The following WASF1 variants were observed in gnomAD, a reference collection of about 807,000 sequenced individuals.
WASF1 encodes actin-binding protein WASF1.
A neutral mutation model predicts 50.5 loss-of-function variants in WASF1; 7 were observed. The observed-to-expected ratio is 0.14, with a 90% CI of 0.08 to 0.26. The LOEUF (loss-of-function observed/expected upper bound fraction) is 0.26. WASF1 is among the 10% of genes least tolerant of loss of function. The pLI is 1.00. For missense variants in WASF1, 470 were observed against 694.7 expected (o/e 0.68, Z 3.64); for synonymous variants, 205 against 244.0 (o/e 0.84, Z 1.49).
intron 6 of WASF1, among the ~76,000 whole-genome samples, chr6:110,107,888 C>T (rs1773390010): frequency 1.3e-5 from 2 of 152,016 alleles, no homozygotes; most frequent in South Asian, 2.1e-4. Flanking sequence ...CGAAACAGGC[C>T]GGGCGCAGTG....
rs1049230332 is a variant in WASF1 at position 110,100,512 on chromosome 6, T to C, written c.*10A>G. The stretch of plus-strand genomic sequence containing the variant: ...CATTCAGTTTTGTAATATTTATCAA[T>C]GCATTTTTCTTACTCCAACCAATCT... On this transcript the variant is annotated 3_prime_UTR_variant, in exon 11 of 11. Coordinates refer to ENST00000392589, the MANE Select transcript of WASF1 (RefSeq NM_003931.3). 2 of 1,604,330 alleles carry C rather than the reference T, an allele frequency of 1.2e-6. No individual in the cohort carries two copies. Among genetic ancestry groups the C allele is most frequent in the East Asian group, 2.3e-5 (1 of 44,438 alleles).
rs1195590873 is a variant in WASF1 at position 110,124,226 on chromosome 6, C to CTCTCTCT, written c.133+3242_133+3243insAGAGAGA. On this transcript the variant is annotated intron_variant, in intron 4 of 10. Transcript: ENST00000392589. ...CTCTCTCTCTCTCTCTCCTCTCTCT[C>CTCTCTCT]CTCTCTCTCCTCTCTCTCTCTCTCT... 4.5e-4 allele frequency among the ~76,000 whole-genome samples: 27 copies of CTCTCTCT among 60,620 alleles called. 3 individuals are homozygous for CTCTCTCT. The East Asian group carries it at 9.7e-3, about 22-fold the overall frequency. 39.8% of individuals were successfully genotyped at this position (60,620 alleles called of 152,430 possible). A position where few individuals can be genotyped will look rare whatever the true frequency, so the allele number is the denominator to read the frequency against.
chr6:110,107,049 A>T (rs1234109923), intron 7 of WASF1, 28 bp downstream of exon 7: 4 of 1,492,688 alleles, frequency 2.7e-6, no homozygotes, highest in Non-Finnish European at 3.7e-6. Flanking sequence ...ACAAAAATTA[A>T]CCTCAATTTT....
intron 3 of WASF1, among the ~76,000 whole-genome samples, chr6:110,132,004 T>G (rs1459210417): frequency 2.6e-5 from 4 of 152,192 alleles, no homozygotes; most frequent in Non-Finnish European, 5.9e-5. Flanking sequence ...AGTACTGATA[T>G]TTATACATTT....
intron 3 of WASF1, among the ~76,000 whole-genome samples, chr6:110,139,441 C>T (rs190189788): frequency 5.3e-4 from 81 of 152,354 alleles, no homozygotes; most frequent in African/African-American, 1.7e-3. Flanking sequence ...CTGCTACATA[C>T]GGGCTGCTGC....
intron 3 of WASF1, among the ~76,000 whole-genome samples, chr6:110,148,438 T>C (rs777714345): frequency 1.2e-4 from 18 of 151,998 alleles, no homozygotes; most frequent in South Asian, 2.1e-4. Context: ...AAGGAAGTAA[T>C]ATTTAAATTA....
intron 8 of WASF1, among the ~76,000 whole-genome samples, chr6:110,104,358 C>A (rs1013259900): frequency 3.9e-5 from 6 of 152,090 alleles, no homozygotes; most frequent in Non-Finnish European, 8.8e-5. Flanking sequence ...AATGTCAATT[C>A]TTTCAGTAAT....
At chr6:110,105,082 A>T (rs1773260435) in intron 8 of WASF1, among the ~76,000 whole-genome samples, 1 of 152,158 alleles carries the variant, frequency 6.6e-6, no homozygotes, top group South Asian at 2.1e-4. Context: ...AAAACCCCAG[A>T]CCCTAAACTT....
chr6:110,107,613 C>G (rs946296651), intron 6 of WASF1, among the ~76,000 whole-genome samples: 1 of 152,118 alleles, frequency 6.6e-6, no homozygotes, highest in African/African-American at 2.4e-5. Flanking sequence ...CTTACTAAAT[C>G]CAAAAGATAT....
intron 3 of WASF1, among the ~76,000 whole-genome samples, chr6:110,136,605 T>C (rs1392777088): frequency 6.6e-6 from 1 of 152,240 alleles, no homozygotes; most frequent in Non-Finnish European, 1.5e-5. Context: ...TCTAATAATA[T>C]GGTTTTTGCT....
At position 110,101,551 on chromosome 6, in the gene WASF1, A is replaced by C. The variant is rs754103078; in HGVS notation, c.1522+37T>G. ...AAATATTTAGAAAGTTTCCAATGCTACTATAGCAATGCTTTTCATGGAGCT... is the reference window on the plus strand; with the variant it reads ...AAATATTTAGAAAGTTTCCAATGCTCCTATAGCAATGCTTTTCATGGAGCT... On this transcript the variant is annotated intron_variant, in intron 10 of 10. Transcript: ENST00000392589. 2.6e-6 allele frequency: 4 copies of C among 1,566,824 alleles called. No homozygotes were observed. In the South Asian group the frequency reaches 4.8e-5, roughly 19 times the overall value.
At chr6:110,103,611 G>T in intron 8 of WASF1, 54 bp from the exon 9 acceptor site, 2 of 1,440,428 alleles carry the variant, frequency 1.4e-6, no homozygotes, top group Non-Finnish European at 1.9e-6. Context: ...GGGAGGAAAG[G>T]GTTCTACATG....
chr6:110,135,615 C>T (rs1377227165), intron 3 of WASF1, among the ~76,000 whole-genome samples: 1 of 151,410 alleles, frequency 6.6e-6, no homozygotes, highest in African/African-American at 2.4e-5. Flanking sequence ...TGATCTTATT[C>T]TCCTGAATCT....
intron 3 of WASF1, among the ~76,000 whole-genome samples, chr6:110,149,002 AAT>A (rs1410630030): frequency 6.6e-6 from 1 of 152,222 alleles, no homozygotes; most frequent in East Asian, 1.9e-4. Flanking sequence ...CAATTATATC[AAT>A]ATATGACTCC....
At chr6:110,113,028 GAGAA>G (rs1773637596) in intron 5 of WASF1, among the ~76,000 whole-genome samples, 1 of 151,840 alleles carries the variant, frequency 6.6e-6, no homozygotes, top group Admixed American at 6.6e-5. Flanking sequence ...GAAATGAAAA[GAGAA>G]AGATAATGAA....
intron 4 of WASF1, among the ~76,000 whole-genome samples, chr6:110,121,452 A>T (rs1446887350): frequency 6.6e-6 from 1 of 152,246 alleles, no homozygotes; most frequent in African/African-American, 2.4e-5. Flanking sequence ...ATCCCTGGTC[A>T]TCAGAGAAAT....
At chr6:110,178,477 G>A (rs537138091) in intron 2 of WASF1, 121 bp downstream of exon 2, 241 of 152,382 alleles carry the variant, frequency 1.6e-3, no homozygotes, top group African/African-American at 5.5e-3. Flanking sequence ...ATCAATTAGT[G>A]AACAGAAAAA....
intron 4 of WASF1, among the ~76,000 whole-genome samples, chr6:110,124,971 G>A (rs932460707): frequency 3.3e-5 from 5 of 152,246 alleles, no homozygotes; most frequent in East Asian, 1.9e-4. Context: ...ATCCAGCCCT[G>A]AGCCATGTGG....
chr6:110,122,871 G>A (rs750432465), intron 4 of WASF1, among the ~76,000 whole-genome samples: 1 of 151,660 alleles, frequency 6.6e-6, no homozygotes, highest in Non-Finnish European at 1.5e-5. Context: ...GAGGATCTGT[G>A]CCCCTTACCC....
Sources: gnomAD v4.1 joint callset for allele counts (sites outside exome capture counted in the v4.1 genomes callset) on GRCh38, gnomAD v4.1.1 for gene constraint, MANE v1.5 for transcripts, NCBI Gene and HGNC (gene_info 2026-07-23, HGNC 2026-07-21) for gene names.